GRM5: variants seen among roughly 807,000 people sequenced by gnomAD.
GRM5 encodes the protein glutamate metabotropic receptor 5, also known as metabotropic glutamate receptor 5.
GRM5 carries 19 observed loss-of-function variants against 83.1 expected under a neutral mutation model. That is an observed-to-expected ratio of 0.23 (90% CI 0.16 to 0.34). The LOEUF (loss-of-function observed/expected upper bound fraction) is 0.34. GRM5 is among the 10% of genes least tolerant of loss of function. The pLI is 1.00. For missense variants in GRM5, 1,160 were observed against 1,588.3 expected, an observed-to-expected ratio of 0.73 and a Z score of 4.58; for synonymous variants, 675 against 633.6, an observed-to-expected ratio of 1.07 and a Z score of -0.98.
At chr11:88,687,499 A>ATACAC (rs1554993925) in intron 3 of GRM5, among the ~76,000 whole-genome samples, 17 of 16,672 alleles carry the variant, frequency 1.0e-3, no homozygotes, top group Non-Finnish European at 1.3e-3. Flanking sequence ...ACAAACAAAA[A>ATACAC]ATACACACAC....
intron 2 of GRM5, among the ~76,000 whole-genome samples, chr11:88,897,510 C>T (rs1021136441): frequency 4.0e-5 from 6 of 151,854 alleles, no homozygotes; most frequent in African/African-American, 1.2e-4. Context: ...AATACTGTTG[C>T]TGGGTGAACA....
intron 2 of GRM5, among the ~76,000 whole-genome samples, chr11:88,864,717 T>C (rs1944630094): frequency 6.6e-6 from 1 of 151,968 alleles, no homozygotes; most frequent in African/African-American, 2.4e-5. Context: ...TTAAATATGG[T>C]GAGAGAGGGC....
At chr11:88,977,938 G>A (rs1306222314) in intron 2 of GRM5, among the ~76,000 whole-genome samples, 1 of 152,186 alleles carries the variant, frequency 6.6e-6, no homozygotes, top group East Asian at 1.9e-4. Flanking sequence ...CAAACTCATA[G>A]TAATCTTGCA....
At chr11:89,023,231 T>G (rs567272069) in intron 2 of GRM5, among the ~76,000 whole-genome samples, 1 of 152,154 alleles carries the variant, frequency 6.6e-6, no homozygotes, top group South Asian at 2.1e-4. Context: ...TGATGAAGAA[T>G]CTTTCATACA....
intron 2 of GRM5, among the ~76,000 whole-genome samples, chr11:88,910,571 T>C (rs1263435709): frequency 6.6e-6 from 1 of 152,082 alleles, no homozygotes; most frequent in East Asian, 1.9e-4. Flanking sequence ...TTTCTTTCTT[T>C]AGCTGAGGCT....
chr11:88,986,750 A>T, intron 2 of GRM5, among the ~76,000 whole-genome samples: 32 of 66,504 alleles, frequency 4.8e-4, no homozygotes, highest in African/African-American at 7.8e-4. Flanking sequence ...TTTTTTTTGC[A>T]CTCTTGGTAT....
chr11:88,864,873 A>T (rs577877525), intron 2 of GRM5, among the ~76,000 whole-genome samples: 1 of 152,118 alleles, frequency 6.6e-6, no homozygotes, highest in Non-Finnish European at 1.5e-5. Flanking sequence ...TTTTTAGCGT[A>T]AAGGGGTGTT....
At position 88,818,059 on chromosome 11, in the gene GRM5, G is replaced by A. The variant is rs547154263; in HGVS notation, c.911+31847C>T. Among the ~76,000 whole-genome samples the A allele has an allele frequency of 1.8e-4, 28 of 152,016 alleles. No individual in the cohort carries two copies. The South Asian group carries it at 5.8e-3, about 31-fold the overall frequency. ...ATTACTTAAACTAATCTAAACCTCA[G>A]TTCCTTTTTGGTATGAAAAGATAGT... On this transcript the variant is annotated intron_variant, in intron 3 of 9. Transcript: ENST00000305447.
At chr11:89,023,140 A>AGTGTGTGTGTGT (rs61343398) in intron 2 of GRM5, among the ~76,000 whole-genome samples, 2 of 146,840 alleles carry the variant, frequency 1.4e-5, no homozygotes, top group Admixed American at 6.7e-5. Flanking sequence ...ATATGCAAAG[A>AGTGTGTGTGTGT]GTGTGTGTGT....
chr11:88,761,804 T>C (rs1256879960), intron 3 of GRM5, among the ~76,000 whole-genome samples: 6 of 151,934 alleles, frequency 3.9e-5, no homozygotes, highest in African/African-American at 1.4e-4. Context: ...CTTCCAGCTA[T>C]ACTACAGGAC....
intron 3 of GRM5, among the ~76,000 whole-genome samples, chr11:88,700,352 G>A (rs7479905): frequency 0.97 from 148,155 of 152,156 alleles, 72,264 homozygotes; most frequent in South Asian, 1. Flanking sequence ...ATGGGCTCAA[G>A]AAGAGAGTAG....
chr11:88,504,692 CATATTT>C lies in GRM5; in HGVS notation c.*3894_*3899del, dbSNP rs1241528064. 2 of 151,874 alleles carry C rather than the reference CATATTT, an allele frequency of 1.3e-5. No homozygotes were observed. Among genetic ancestry groups the C allele is most frequent in the African/African-American group, 2.4e-5 (1 of 41,374 alleles). 9.4% of individuals were successfully genotyped at this position (151,874 alleles called of 1,614,324 possible). A position where few individuals can be genotyped will look rare whatever the true frequency, so the allele number is the denominator to read the frequency against. ...TATATTTTGAAGTGCTAAAATAAAACATATTTATACAAGTACAAAGCAAAACAATGC... is the reference window on the plus strand; with the variant it reads ...TATATTTTGAAGTGCTAAAATAAAACATACAAGTACAAAGCAAAACAATGC... On this transcript the variant is annotated 3_prime_UTR_variant, in exon 10 of 10. Transcript: ENST00000305447.
At chr11:88,953,181 T>C (rs1938514679) in intron 2 of GRM5, among the ~76,000 whole-genome samples, 1 of 152,192 alleles carries the variant, frequency 6.6e-6, no homozygotes, top group South Asian at 2.1e-4. Context: ...GTGTTTATTG[T>C]TTGCGGATTG....
rs528325052 is a variant in GRM5 at position 89,046,128 on chromosome 11, T to C, written c.661+1084A>G. On this transcript the variant is annotated intron_variant, in intron 2 of 9. Coordinates refer to ENST00000305447, the MANE Select transcript of GRM5 (RefSeq NM_001143831.3). The stretch of plus-strand genomic sequence containing the variant: ...GTCTGTGATATAGAAAACAAAGGGC[T>C]ATCATTCACAGGACGGTCAGAGAGC... Among the ~76,000 whole-genome samples, 3 of 152,306 alleles carry C rather than the reference T, an allele frequency of 2.0e-5. No individual in the cohort carries two copies. In the South Asian group the frequency reaches 6.2e-4, roughly 32 times the overall value.
intron 3 of GRM5, among the ~76,000 whole-genome samples, chr11:88,817,074 T>C (rs1383568273): frequency 6.6e-6 from 1 of 152,134 alleles, no homozygotes; most frequent in African/African-American, 2.4e-5. Context: ...ATTTTAATAA[T>C]TTGAGATTGG....
chr11:89,037,683 T>C (rs1941424957), intron 2 of GRM5, among the ~76,000 whole-genome samples: 3 of 152,134 alleles, frequency 2.0e-5, no homozygotes, highest in Admixed American at 6.5e-5. Context: ...AATGCTTCTA[T>C]CATTTCCTAC....
intron 4 of GRM5, among the ~76,000 whole-genome samples, chr11:88,616,127 G>A (rs928268469): frequency 2.0e-5 from 3 of 152,100 alleles, no homozygotes; most frequent in African/African-American, 7.2e-5. Context: ...ACTTAAACAA[G>A]TTAATACTAA....
intron 6 of GRM5, among the ~76,000 whole-genome samples, chr11:88,594,192 G>A (rs1329784776): frequency 6.6e-6 from 1 of 152,124 alleles, no homozygotes; most frequent in Non-Finnish European, 1.5e-5. Flanking sequence ...AGGAAGCACT[G>A]GAAATTATGA....
At chr11:88,630,830 G>A (rs976124624) in intron 4 of GRM5, among the ~76,000 whole-genome samples, 3 of 152,018 alleles carry the variant, frequency 2.0e-5, no homozygotes, top group African/African-American at 7.3e-5. Flanking sequence ...TGCCCACCTC[G>A]GCCTCCCAAA....
Sources: gnomAD v4.1 joint callset for allele counts (sites outside exome capture counted in the v4.1 genomes callset) on GRCh38, gnomAD v4.1.1 for gene constraint, MANE v1.5 for transcripts, NCBI Gene and HGNC (gene_info 2026-07-23, HGNC 2026-07-21) for gene names.